Variants in SRRM4 observed in about 807,000 individuals in gnomAD.
SRRM4 encodes serine/arginine repetitive matrix protein 4.
SRRM4 carries 33 observed loss-of-function variants against 68.9 expected under a neutral mutation model. The observed-to-expected ratio is 0.48, with a 90% CI of 0.36 to 0.64. SRRM4 has a LOEUF of 0.64. SRRM4 is among the 30% of genes least tolerant of loss of function. The probability of loss-of-function intolerance (pLI) is 0.00; values close to 1 mark genes in which losing one functional copy is unlikely to be tolerated. For synonymous variants in SRRM4, 318 were observed against 318.8 expected (o/e 1.00, Z 0.03); for missense variants, 817 against 827.1 (o/e 0.99, Z 0.15).
At chr12:119,044,134 TGGGATTATA>T (rs767006264) in intron 1 of SRRM4, among the ~76,000 whole-genome samples, 3 of 152,332 alleles carry the variant, frequency 2.0e-5, no homozygotes, top group Non-Finnish European at 4.4e-5. Flanking sequence ...CCCGAAGTGC[TGGGATTATA>T]GGCCTGAGCC....
chr12:119,067,354 C>T (rs1953852106), intron 1 of SRRM4, among the ~76,000 whole-genome samples: 2 of 152,058 alleles, frequency 1.3e-5, no homozygotes, highest in Non-Finnish European at 2.9e-5. Flanking sequence ...TTGTAACAAC[C>T]CTAGTATGGT....
At chr12:119,129,665 T>G (rs1014059372) in intron 7 of SRRM4, among the ~76,000 whole-genome samples, 2 of 152,232 alleles carry the variant, frequency 1.3e-5, no homozygotes, top group Non-Finnish European at 2.9e-5. Context: ...CTTTTCTGTT[T>G]TTAAAGCTGC....
rs145398843 is a variant in SRRM4, at chr12:119,127,648, A to C, written c.614+2169A>C. On this transcript the variant is annotated intron_variant, in intron 7 of 12. Transcript: ENST00000267260. ...GAGGCTGAGGCAGGAGAATCACTTG[A>C]ACCCAGGAGACGGAGGTTGCAGTGA... is the stretch of plus-strand genomic sequence containing the variant. Among the ~76,000 whole-genome samples, 41 of 152,082 alleles carry C rather than the reference A, an allele frequency of 2.7e-4. No homozygotes were observed. In the East Asian group the frequency reaches 7.1e-3, roughly 27 times the overall value.
intron 1 of SRRM4, among the ~76,000 whole-genome samples, chr12:119,019,967 A>G (rs560985414): frequency 7.6e-6 from 1 of 132,234 alleles, no homozygotes; most frequent in East Asian, 2.4e-4. Context: ...CCCCCAAAAA[A>G]AAATCACACA....
chr12:119,100,573 C>T (rs1034108025), intron 1 of SRRM4, among the ~76,000 whole-genome samples: 9 of 152,092 alleles, frequency 5.9e-5, no homozygotes, highest in African/African-American at 1.2e-4. Context: ...GTAAACATTC[C>T]GTAATCACAG....
rs528758361 is a variant in SRRM4 at position 119,056,715 on chromosome 12, A to AT, written c.132-45511dup. Among the ~76,000 whole-genome samples the AT allele has an allele frequency of 5.8e-3, 851 of 147,726 alleles. 4 individuals are homozygous for AT. Among genetic ancestry groups the AT allele is most frequent in the African/African-American group, 0.013 (511 of 40,474 alleles). On this transcript the variant is annotated intron_variant, in intron 1 of 12. Coordinates refer to ENST00000267260, the MANE Select transcript of SRRM4 (RefSeq NM_194286.4). ...TCGGCCTTCTTTTGCATGCATGGCTATTTTTTTTTTGCCATTCAGATTTCA... is the reference window on the plus strand; with the variant it reads ...TCGGCCTTCTTTTGCATGCATGGCTATTTTTTTTTTTGCCATTCAGATTTCA...
At chr12:119,044,622 C>T (rs898971029) in intron 1 of SRRM4, among the ~76,000 whole-genome samples, 2 of 152,050 alleles carry the variant, frequency 1.3e-5, no homozygotes, top group African/African-American at 4.8e-5. Context: ...TGGCCAAGTC[C>T]TTTAGCCTCC....
chr12:119,099,458 A>G (rs575827749), intron 1 of SRRM4, among the ~76,000 whole-genome samples: 31 of 125,840 alleles, frequency 2.5e-4, no homozygotes, highest in African/African-American at 5.1e-4. Flanking sequence ...TATGTTAACA[A>G]TTTTTGAACT....
chr12:119,145,937 C>T (rs1351203617), intron 9 of SRRM4, among the ~76,000 whole-genome samples: 2 of 152,170 alleles, frequency 1.3e-5, no homozygotes, highest in Admixed American at 6.5e-5. Context: ...CTTCCTCATC[C>T]TACTGGCCTT....
intron 1 of SRRM4, among the ~76,000 whole-genome samples, chr12:119,039,988 C>T (rs1437813751): frequency 6.6e-6 from 1 of 152,072 alleles, no homozygotes; most frequent in East Asian, 1.9e-4. Flanking sequence ...TGCCAACTTT[C>T]ACATACAGGG....
chr12:119,132,757 C>T (rs1954306061), intron 8 of SRRM4, among the ~76,000 whole-genome samples: 1 of 152,064 alleles, frequency 6.6e-6, no homozygotes, highest in Non-Finnish European at 1.5e-5. Context: ...TAAGAGAGGC[C>T]TTAAGAGCTC....
chr12:119,008,960 CCT>C (rs1953432081), intron 1 of SRRM4, among the ~76,000 whole-genome samples: 1 of 152,080 alleles, frequency 6.6e-6, no homozygotes, highest in Admixed American at 6.5e-5. Context: ...TCCCCTCCCT[CCT>C]CTCATTGCCA....
At chr12:119,076,329 G>GA (rs11330499) in intron 1 of SRRM4, among the ~76,000 whole-genome samples, 10 of 151,462 alleles carry the variant, frequency 6.6e-5, no homozygotes, top group Admixed American at 1.3e-4. Flanking sequence ...TTTACAGATG[G>GA]AAAAAAAAAT....
intron 8 of SRRM4, among the ~76,000 whole-genome samples, chr12:119,135,453 T>A (rs1249207355): frequency 1.3e-5 from 2 of 152,178 alleles, no homozygotes; most frequent in East Asian, 1.9e-4. Context: ...GAACTCGTAG[T>A]CCATAAAAGA....
intron 1 of SRRM4, among the ~76,000 whole-genome samples, chr12:119,053,211 C>T (rs1182458354): frequency 6.6e-6 from 1 of 152,128 alleles, no homozygotes; most frequent in Non-Finnish European, 1.5e-5. Context: ...ATAATGTTCT[C>T]TTGTTTTCAT....
chr12:119,151,284 A>T, intron 10 of SRRM4, 64 bp downstream of exon 10: 1 of 1,454,646 alleles, frequency 6.9e-7, no homozygotes, highest in South Asian at 1.1e-5. Context: ...TTAATTGCAG[A>T]TGTCCTTTGA....
chr12:119,160,610 G>C lies in SRRM4; in HGVS notation c.*3812G>C, dbSNP rs957374381. The C allele has an allele frequency of 6.6e-6, 1 of 152,208 alleles. No individual in the cohort carries two copies. Among genetic ancestry groups the C allele is most frequent in the Non-Finnish European group, 1.5e-5 (1 of 68,044 alleles). The allele number at this position is 152,208 out of a possible 1,614,324, so 9.4% of individuals were successfully genotyped here. On this transcript the variant is annotated 3_prime_UTR_variant, in exon 13 of 13. Transcript: ENST00000267260. ...AGCCTTTGACCTTCCCGCTATGGAA[G>C]TGCACTGGATGACAGAAACTGAATA...
At chr12:119,089,180 G>T (rs909679945) in intron 1 of SRRM4, among the ~76,000 whole-genome samples, 5 of 152,128 alleles carry the variant, frequency 3.3e-5, no homozygotes, top group African/African-American at 7.2e-5. Flanking sequence ...GTGGTCGGGA[G>T]GGTGCTGTGC....
Position 119,075,387 on chromosome 12 carries a change from GGATGAT to G in SRRM4, c.132-26836_132-26831del, listed in dbSNP as rs148888463. On this transcript the variant is annotated intron_variant, in intron 1 of 12. Transcript: ENST00000267260. ...ACGATTATGATGGTAATGATGGTGA[GGATGAT>G]GATGATGATGATAATGATGGTGATG... Among the ~76,000 whole-genome samples the G allele has an allele frequency of 8.2e-4, 124 of 151,646 alleles. 1 individual carries two copies. Among genetic ancestry groups the G allele is most frequent in the African/African-American group, 2.4e-3 (100 of 41,320 alleles).
Sources: allele counts gnomAD v4.1 joint callset (sites outside exome capture counted in the v4.1 genomes callset), GRCh38; gene constraint gnomAD v4.1.1; transcripts MANE v1.5; gene names NCBI Gene and HGNC (gene_info 2026-07-23, HGNC 2026-07-21).